The following RASGRF2 variants were observed in gnomAD, a reference collection of about 807,000 sequenced individuals.
RASGRF2 encodes Ras protein specific guanine nucleotide releasing factor 2.
A neutral mutation model predicts 151.0 loss-of-function variants in RASGRF2; 76 were observed. The observed-to-expected ratio is 0.50, with a 90% CI of 0.42 to 0.61. RASGRF2 has a LOEUF of 0.61. Ranked by LOEUF, RASGRF2 falls within the 20% of genes least tolerant of loss-of-function variation. RASGRF2 has a pLI of 0.00. For missense variants in RASGRF2, 1,148 were observed against 1,564.6 expected, an observed-to-expected ratio of 0.73 and a Z score of 4.49; for synonymous variants, 504 against 566.5, an observed-to-expected ratio of 0.89 and a Z score of 1.57.
intron 13 of RASGRF2, among the ~76,000 whole-genome samples, chr5:81,110,355 C>G (rs1420793632): frequency 2.6e-5 from 4 of 152,062 alleles, no homozygotes; most frequent in Non-Finnish European, 2.9e-5. Flanking sequence ...TTGAGTGTCT[C>G]TTAGGAAATA....
At chr5:80,996,588 C>T (rs1396344855) in intron 1 of RASGRF2, among the ~76,000 whole-genome samples, 1 of 103,692 alleles carries the variant, frequency 9.6e-6, no homozygotes, top group Admixed American at 1.1e-4. Flanking sequence ...TCCCCCTCCT[C>T]TTTCTTTTTT....
At chr5:81,042,448 G>T (rs564670855) in intron 1 of RASGRF2, among the ~76,000 whole-genome samples, 1 of 152,202 alleles carries the variant, frequency 6.6e-6, no homozygotes, top group African/African-American at 2.4e-5. Context: ...TTGCTTCCCA[G>T]AATGGAGAAT....
intron 1 of RASGRF2, among the ~76,000 whole-genome samples, chr5:81,026,023 C>A: frequency 1.8e-5 from 1 of 55,168 alleles, no homozygotes; most frequent in East Asian, 3.0e-4. Context: ...TCCCTCCTTC[C>A]TTCCATCCTT....
intron 2 of RASGRF2, among the ~76,000 whole-genome samples, chr5:81,064,788 T>C (rs1751546525): frequency 1.3e-5 from 2 of 152,208 alleles, no homozygotes; most frequent in Admixed American, 6.5e-5. Context: ...CTGGAAACTG[T>C]TACTGGCTAC....
chr5:81,132,566 T>C (rs1169385973), intron 17 of RASGRF2, among the ~76,000 whole-genome samples: 2 of 152,160 alleles, frequency 1.3e-5, no homozygotes, highest in Admixed American at 1.3e-4. Flanking sequence ...TGTTATTCAT[T>C]TGATGTAAGA....
chr5:81,033,307 C>G (rs1580230707), intron 1 of RASGRF2, among the ~76,000 whole-genome samples: 2 of 142,770 alleles, frequency 1.4e-5, no homozygotes, highest in South Asian at 4.5e-4. Flanking sequence ...CTTTCAAGTT[C>G]ATATGGAAGC....
chr5:81,026,709 A>G (rs1311457323), intron 1 of RASGRF2, among the ~76,000 whole-genome samples: 2 of 152,222 alleles, frequency 1.3e-5, no homozygotes, highest in Admixed American at 6.5e-5. Flanking sequence ...AATTATGACT[A>G]ATGAAATGGT....
intron 1 of RASGRF2, among the ~76,000 whole-genome samples, chr5:81,041,018 G>C (rs755013905): frequency 3.3e-5 from 5 of 152,104 alleles, no homozygotes; most frequent in Admixed American, 6.6e-5. Flanking sequence ...AAATGTCTGA[G>C]ATTGGCCAGG....
intron 18 of RASGRF2, among the ~76,000 whole-genome samples, chr5:81,193,647 C>T (rs900578460): frequency 3.2e-4 from 49 of 152,244 alleles, no homozygotes; most frequent in African/African-American, 1.2e-3. Flanking sequence ...TCCTGCGTAG[C>T]TGGGATTACA....
intron 17 of RASGRF2, among the ~76,000 whole-genome samples, chr5:81,163,995 A>G (rs1754447832): frequency 6.6e-6 from 1 of 152,214 alleles, no homozygotes; most frequent in African/African-American, 2.4e-5. Context: ...CTACATAAAT[A>G]TTAGCATTGT....
chr5:81,047,063 A>G (rs1422354668), intron 2 of RASGRF2, among the ~76,000 whole-genome samples: 1 of 152,202 alleles, frequency 6.6e-6, no homozygotes, highest in Non-Finnish European at 1.5e-5. Context: ...GGTGGCATCT[A>G]ACACATCTCT....
intron 16 of RASGRF2, among the ~76,000 whole-genome samples, chr5:81,126,176 G>A (rs576412242): frequency 1.3e-5 from 2 of 152,318 alleles, no homozygotes; most frequent in Admixed American, 6.5e-5. Context: ...AGCGAGCTTG[G>A]CACCAGCACT....
chr5:81,094,517 A>G (rs1752488226), intron 11 of RASGRF2, among the ~76,000 whole-genome samples, 155 bp downstream of exon 11: 2 of 152,174 alleles, frequency 1.3e-5, no homozygotes, highest in Non-Finnish European at 2.9e-5. Context: ...ATTTTACTGA[A>G]TTTGTTTTGT....
At chr5:81,143,676 A>T (rs1174238785) in intron 17 of RASGRF2, among the ~76,000 whole-genome samples, 1 of 151,604 alleles carries the variant, frequency 6.6e-6, no homozygotes, top group African/African-American at 2.4e-5. Context: ...CGGATCATGA[A>T]GTCAGGAGTT....
intron 17 of RASGRF2, among the ~76,000 whole-genome samples, chr5:81,174,738 A>G (rs573586405): frequency 6.6e-6 from 1 of 152,226 alleles, no homozygotes; most frequent in African/African-American, 2.4e-5. Context: ...ATTGTCACAT[A>G]AGAAATGTGA....
chr5:81,092,778 T>A lies in RASGRF2; in HGVS notation c.1391-23T>A, dbSNP rs766953795. The A allele has an allele frequency of 2.4e-4, 378 of 1,600,866 alleles. 4 individuals are homozygous for A. The South Asian group carries it at 3.5e-3, about 15-fold the overall frequency. On this transcript the variant is annotated intron_variant, in intron 9 of 26. Transcript: ENST00000265080. The stretch of plus-strand genomic sequence containing the variant: ...TTGACAGAATTTTAATTGCTGTGTA[T>A]TCTTCATTTTTGTAATCACCAGGTT...
At chr5:81,187,841 C>T (rs1755065367) in intron 18 of RASGRF2, among the ~76,000 whole-genome samples, 1 of 152,122 alleles carries the variant, frequency 6.6e-6, no homozygotes, top group African/African-American at 2.4e-5. Flanking sequence ...ATGACAGGGG[C>T]GGCTTCTAAA....
intron 24 of RASGRF2, chr5:81,216,935 G>C (rs1023628923): frequency 6.6e-6 from 3 of 454,730 alleles, no homozygotes; most frequent in South Asian, 1.6e-5. Flanking sequence ...CCAGTGCAAA[G>C]CTCTAACTGC....
intron 17 of RASGRF2, among the ~76,000 whole-genome samples, chr5:81,166,702 A>G (rs1336920096): frequency 6.6e-6 from 1 of 152,046 alleles, no homozygotes; most frequent in African/African-American, 2.4e-5. Context: ...CAGCGAAAGG[A>G]TGGTATCAGA....
Sources: allele counts gnomAD v4.1 joint callset (sites outside exome capture counted in the v4.1 genomes callset), GRCh38; gene constraint gnomAD v4.1.1; transcripts MANE v1.5; gene names NCBI Gene and HGNC (gene_info 2026-07-23, HGNC 2026-07-21).